ZNF492: variants seen among roughly 807,000 people sequenced by gnomAD.
ZNF492 encodes the protein zinc finger protein 492.
A neutral mutation model predicts 6.4 loss-of-function variants in ZNF492; 3 were observed. The ratio of observed to expected loss-of-function variants is 0.47; its 90% CI spans 0.21 to 1.22. The LOEUF is 1.22. Among genes scored for constraint, ZNF492 ranks in the 50% most tolerant of loss-of-function variants. The pLI is 0.22. For missense variants in ZNF492, 356 were observed against 612.5 expected, an observed-to-expected ratio of 0.58 and a Z score of 4.42; for synonymous variants, 112 against 205.3, an observed-to-expected ratio of 0.55 and a Z score of 3.89.
chr19:22,664,686 T>C lies in ZNF492; in HGVS notation c.1017T>C (p.Cys339=). 6.2e-7 allele frequency: 1 copy of C among 1,602,442 alleles called. No homozygotes were observed. The change falls in exon 4 of 4, where the codon TGT becomes TGC. Residue 339 remains cysteine, a synonymous_variant. Coordinates refer to ENST00000456783, the MANE Select transcript of ZNF492 (RefSeq NM_020855.3). ...RIHSGEKPYK[C]EECGKAFKQS... ...ATTCTGGAGAGAAACCCTACAAGTG[T>C]GAAGAATGTGGCAAAGCTTTTAAAC...
At chr19:22,637,778 A>C (rs1295127920) in intron 1 of ZNF492, among the ~76,000 whole-genome samples, 7 of 152,172 alleles carry the variant, frequency 4.6e-5, no homozygotes, top group Admixed American at 3.9e-4. Context: ...TTCTGTTTTT[A>C]GTTCTGTGAG....
rs1398136774 is a variant in ZNF492, at chr19:22,653,998, T to C, written c.113T>C (p.Met38Thr). Residue 38 changes from methionine to threonine, a missense_variant, in exon 3 of 4, where the codon ATG becomes ACG. Physicochemically the swap from Met to Thr is moderately conservative, Grantham distance 81. Coordinates refer to ENST00000456783, the MANE Select transcript of ZNF492 (RefSeq NM_020855.3). ...KEPWNVKRHE[M>T]VAEPPVVCSY... ...CCTTGGAATGTGAAGAGACATGAGA[T>C]GGTAGCTGAACCCCCAGGTAGGTGA... is the stretch of plus-strand genomic sequence containing the variant. 1.2e-6 allele frequency: 2 copies of C among 1,603,136 alleles called. No homozygotes were observed. Among genetic ancestry groups the C allele is most frequent in the Non-Finnish European group, 1.7e-6 (2 of 1,177,076 alleles).
chr19:22,636,182 C>G (rs1245452900), intron 1 of ZNF492, among the ~76,000 whole-genome samples: 3 of 151,924 alleles, frequency 2.0e-5, no homozygotes, highest in Non-Finnish European at 4.4e-5. Flanking sequence ...TCACGGCAAC[C>G]TCCGCCTCCC....
chr19:22,652,771 G>C (rs75765295), intron 1 of ZNF492, among the ~76,000 whole-genome samples: 12,129 of 152,012 alleles, frequency 0.08, 533 homozygotes, highest in South Asian at 0.11. Flanking sequence ...AGTAGAGACA[G>C]GGTTTCACCG....
At position 22,645,267 on chromosome 19, in the gene ZNF492, G is replaced by A. The variant is rs118054045; in HGVS notation, c.-93-8040G>A. 1.3e-3 allele frequency among the ~76,000 whole-genome samples: 200 copies of A among 152,104 alleles called. 4 individuals carry two copies. In the East Asian group the frequency reaches 0.032, roughly 25 times the overall value. ...TCACCATATTGGCCAGGCTGGTCTC[G>A]AACTCCATACCTCAAACGATCCACC... On this transcript the variant is annotated intron_variant, in intron 1 of 3. Transcript: ENST00000456783.
Position 22,665,148 on chromosome 19 carries a change from C to T in ZNF492, c.1479C>T (p.Asn493=). The change falls in exon 4 of 4, where the codon AAC becomes AAT. Residue 493 remains asparagine (N), a synonymous_variant. Coordinates refer to ENST00000456783, the MANE Select transcript of ZNF492 (RefSeq NM_020855.3). Reference sequence around the variant, plus strand: ...CCTTTAACAACTCCTCTATTCTTAACAGACATAAGATGATTCATACTGGAG... The same window carrying T: ...CCTTTAACAACTCCTCTATTCTTAATAGACATAAGATGATTCATACTGGAG... ...GKAFNNSSIL[N]RHKMIHTGEK... is the part of the protein sequence containing the mutation. 6.2e-7 allele frequency: 1 copy of T among 1,610,280 alleles called. No individual in the cohort carries two copies. The highest frequency in any genetic ancestry group is 8.5e-7 in the Non-Finnish European group (1 of 1,179,638).
At chr19:22,639,837 C>CT (rs979590038) in intron 1 of ZNF492, among the ~76,000 whole-genome samples, 1,711 of 145,194 alleles carry the variant, frequency 0.012, 17 homozygotes, top group Non-Finnish European at 0.019. Flanking sequence ...GTTTGTATGC[C>CT]TTTTTTTTTT....
chr19:22,653,561 C>T (rs371025606), intron 2 of ZNF492, 128 bp downstream of exon 2: 123 of 1,112,490 alleles, frequency 1.1e-4, no homozygotes, highest in Middle Eastern at 2.5e-4. Context: ...CAAGATTTGT[C>T]TATGTAGAAA....
Position 22,664,627 on chromosome 19 carries a change from C to T in ZNF492, c.958C>T (p.Gln320Ter), listed in dbSNP as rs1199727488. 1 of 1,613,584 alleles carries T rather than the reference C, an allele frequency of 6.2e-7. No individual in the cohort carries two copies. Among genetic ancestry groups the T allele is most frequent in the Admixed American group, 1.7e-5 (1 of 59,930 alleles). Residue 320 changes from glutamine to a stop codon, truncating the protein, a stop_gained, in exon 4 of 4, where the codon CAG (glutamine) becomes TAG (stop). Transcript: ENST00000456783. LOFTEE classifies it low-confidence loss of function (END_TRUNC). ...TGAAGAATGTGGTAAGGCCTTTAGC[C>T]AGTTATCCCACCTTACTACACATAA... ...KCEECGKAFS[Q>*]LSHLTTHKRI...
intron 3 of ZNF492, among the ~76,000 whole-genome samples, chr19:22,663,189 G>A (rs1373485909): frequency 2.6e-5 from 4 of 151,856 alleles, no homozygotes; most frequent in African/African-American, 9.7e-5. Context: ...TATTAAATAG[G>A]GAATCCTTTC....
Position 22,666,400 on chromosome 19 carries a change from AGGCT to A in ZNF492, c.*1138_*1141del, listed in dbSNP as rs1432603673. The A allele has an allele frequency of 6.6e-6, 1 of 152,158 alleles. No individual in the cohort carries two copies. The highest frequency in any genetic ancestry group is 1.5e-5 in the Non-Finnish European group (1 of 68,034). 9.4% of individuals were successfully genotyped at this position (152,158 alleles called of 1,614,324 possible). On this transcript the variant is annotated 3_prime_UTR_variant, in exon 4 of 4. Transcript: ENST00000456783. ...GAGCCAGGGTTTTGCCATGTTGGCCAGGCTGGTCTCGAACTCGAGACTTTAGGTG... is the reference window on the plus strand; with the variant it reads ...GAGCCAGGGTTTTGCCATGTTGGCCAGGTCTCGAACTCGAGACTTTAGGTG...
chr19:22,652,506 T>A (rs1226556518), intron 1 of ZNF492, among the ~76,000 whole-genome samples: 1 of 151,966 alleles, frequency 6.6e-6, no homozygotes, highest in Non-Finnish European at 1.5e-5. Context: ...AATAGTTTTC[T>A]TGGACCAAAA....
intron 1 of ZNF492, among the ~76,000 whole-genome samples, chr19:22,652,642 CG>C (rs1178318970): frequency 6.6e-6 from 1 of 150,614 alleles, no homozygotes; most frequent in East Asian, 2.0e-4. Context: ...TGCAGTGGCG[CG>C]ATTTCAGCTC....
chr19:22,651,049 A>G (rs1971934774), intron 1 of ZNF492, among the ~76,000 whole-genome samples: 1 of 152,152 alleles, frequency 6.6e-6, no homozygotes, highest in South Asian at 2.1e-4. Context: ...TGGGTTCACG[A>G]GTGAAATCTT....
chr19:22,646,691 A>C (rs1436004110), intron 1 of ZNF492, among the ~76,000 whole-genome samples: 1 of 152,174 alleles, frequency 6.6e-6, no homozygotes, highest in Admixed American at 6.5e-5. Flanking sequence ...GATATGTTCC[A>C]TTAACACCTA....
rs201122597 is a variant in ZNF492, at chr19:22,664,377, A to G, written c.708A>G (p.Gln236=). ...AGGAGTGTGGCAAAGCTTTTAACCA[A>G]TCTGCAAACCTTACTACACATAAGA... The part of the protein sequence containing the change: ...KCEECGKAFN[Q]SANLTTHKRI... The change falls in exon 4 of 4, where the codon CAA becomes CAG. Residue 236 remains glutamine (Q), a synonymous_variant. Coordinates refer to ENST00000456783, the MANE Select transcript of ZNF492 (RefSeq NM_020855.3). 0.11 allele frequency: 173,184 copies of G among 1,527,114 alleles called. 7,871 individuals are homozygous for G. The highest frequency in any genetic ancestry group is 0.18 in the Middle Eastern group (762 of 4,270). The allele number at this position is 1,527,114 out of a possible 1,614,324, so 94.6% of individuals were successfully genotyped here.
chr19:22,654,614 T>TG, intron 3 of ZNF492, among the ~76,000 whole-genome samples: 1 of 151,336 alleles, frequency 6.6e-6, no homozygotes, highest in Admixed American at 6.6e-5. Flanking sequence ...TCTTTTTTTT[T>TG]TTTTTGAGAT....
At chr19:22,637,526 G>A (rs1971781614) in intron 1 of ZNF492, among the ~76,000 whole-genome samples, 1 of 151,900 alleles carries the variant, frequency 6.6e-6, no homozygotes, top group East Asian at 1.9e-4. Flanking sequence ...AAACTTTTGA[G>A]CTCAGGCAAT....
At chr19:22,640,659 G>C (rs1971817271) in intron 1 of ZNF492, among the ~76,000 whole-genome samples, 1 of 152,106 alleles carries the variant, frequency 6.6e-6, no homozygotes, top group Non-Finnish European at 1.5e-5. Flanking sequence ...GAATGGTGCT[G>C]TTTTTAGTTT....
Sources: allele counts gnomAD v4.1 joint callset (sites outside exome capture counted in the v4.1 genomes callset), GRCh38; gene constraint gnomAD v4.1.1; transcripts MANE v1.5; gene names NCBI Gene and HGNC (gene_info 2026-07-23, HGNC 2026-07-21).